RGP1: variants seen among roughly 807,000 people sequenced by gnomAD.
RGP1 encodes RGP1 partner of RAB6A GEF complex.
In RGP1, 28 loss-of-function variants were observed where a neutral mutation model predicts 44.5. The ratio of observed to expected loss-of-function variants is 0.63; its 90% confidence interval spans 0.47 to 0.86. The LOEUF (loss-of-function observed/expected upper bound fraction) is 0.86, where lower values mean the gene tolerates loss of function less well. RGP1 is among the 40% of genes least tolerant of loss of function. RGP1 has a pLI of 0.00. For missense variants in RGP1, 417 were observed against 490.7 expected (o/e 0.85, Z 1.42); for synonymous variants, 212 against 196.7 (o/e 1.08, Z -0.65).
intron 5 of RGP1, 32 bp from the exon 6 acceptor site, chr9:35,751,234 C>T (rs745625582): frequency 6.2e-7 from 1 of 1,611,690 alleles, no homozygotes; most frequent in South Asian, 1.1e-5. Flanking sequence ...CGTTCCCTCT[C>T]AGCATTACCT....
rs1468456809 is a variant in RGP1, at chr9:35,758,381, G to T, written c.*5507G>T. On this transcript the variant is annotated 3_prime_UTR_variant, in exon 9 of 9. Transcript: ENST00000378078. ...TTCACCATAGTATTTCTACAACACAGCAATTTATTAGTCTGACTTCTCTTC... is the reference window on the plus strand; with the variant it reads ...TTCACCATAGTATTTCTACAACACATCAATTTATTAGTCTGACTTCTCTTC... 6.6e-6 allele frequency: 1 copy of T among 152,136 alleles called. No homozygotes were observed. 9.4% of individuals were successfully genotyped at this position (152,136 alleles called of 1,614,324 possible).
chr9:35,784,723 C>T, the RGP1 span, among the ~76,000 whole-genome samples: 1 of 152,158 alleles, frequency 6.6e-6, no homozygotes, highest in Non-Finnish European at 1.5e-5. Context: ...CCGCCTCGGC[C>T]TCCCAAAGTG....
the RGP1 span, among the ~76,000 whole-genome samples, chr9:35,763,916 A>AAAACTCAT: frequency 6.6e-6 from 1 of 151,478 alleles, no homozygotes; most frequent in African/African-American, 2.4e-5. Flanking sequence ...GAGAAAAGAA[A>AAAACTCAT]AAACTCATCA....
chr9:35,778,232 A>G, the RGP1 span, among the ~76,000 whole-genome samples: 2 of 152,112 alleles, frequency 1.3e-5, no homozygotes, highest in East Asian at 1.9e-4. Flanking sequence ...AACCCGGGAG[A>G]CAGAGGTTGC....
chr9:35,764,955 G>T, the RGP1 span, among the ~76,000 whole-genome samples: 15 of 151,814 alleles, frequency 9.9e-5, no homozygotes, highest in Admixed American at 7.2e-4. Flanking sequence ...GTGAAATCCT[G>T]TCTTGACTAA....
In RGP1 at chr9:35,758,119, C is replaced by T. The variant is rs1827384612; in HGVS notation, c.*5245C>T. The T allele has an allele frequency of 6.6e-6, 1 of 152,104 alleles. No homozygotes were observed. The highest frequency in any genetic ancestry group is 2.4e-5 in the African/African-American group (1 of 41,406). The allele number at this position is 152,104 out of a possible 1,614,324, so 9.4% of individuals were successfully genotyped here. A position where few individuals can be genotyped will look rare whatever the true frequency, so the allele number is the denominator to read the frequency against. Reference sequence around the variant, plus strand: ...TCAGTAGTGCTGCACTTCCACTTTTCCTCTCCCTCATTTTACTGTCTTTAT... The same window carrying T: ...TCAGTAGTGCTGCACTTCCACTTTTTCTCTCCCTCATTTTACTGTCTTTAT... On this transcript the variant is annotated 3_prime_UTR_variant, in exon 9 of 9. Transcript: ENST00000378078.
chr9:35,763,907 AG>A, the RGP1 span, among the ~76,000 whole-genome samples: 1 of 149,442 alleles, frequency 6.7e-6, no homozygotes, highest in Admixed American at 6.7e-5. Context: ...AAAAGAAAAG[AG>A]AAAAGAAAAA....
At chr9:35,777,609 G>A in the RGP1 span, among the ~76,000 whole-genome samples, 1 of 152,054 alleles carries the variant, frequency 6.6e-6, no homozygotes, top group Non-Finnish European at 1.5e-5. Context: ...GTGAGCCAAC[G>A]CGCCCAGCCT....
the RGP1 span, among the ~76,000 whole-genome samples, chr9:35,784,856 G>A: frequency 1.4e-3 from 217 of 152,186 alleles, no homozygotes; most frequent in Non-Finnish European, 2.1e-3. Context: ...AGATCCTCCT[G>A]CCTTAGTCTT....
chr9:35,778,271 C>T, the RGP1 span, among the ~76,000 whole-genome samples: 1 of 152,178 alleles, frequency 6.6e-6, no homozygotes, highest in African/African-American at 2.4e-5. Flanking sequence ...CATTGTTCTA[C>T]AGCCTGGGCA....
At chr9:35,765,122 CAAAAA>C in the RGP1 span, among the ~76,000 whole-genome samples, 3 of 103,236 alleles carry the variant, frequency 2.9e-5, no homozygotes, top group Admixed American at 1.0e-4. Context: ...GACTCTGTCT[CAAAAA>C]AAAAAAAAAA....
chr9:35,753,630 C>G lies in RGP1; in HGVS notation c.*756C>G. The G allele has an allele frequency of 6.5e-7, 1 of 1,547,264 alleles. No homozygotes were observed. Among genetic ancestry groups the G allele is most frequent in the Admixed American group, 1.7e-5 (1 of 59,266 alleles). On this transcript the variant is annotated 3_prime_UTR_variant, in exon 9 of 9. Coordinates refer to ENST00000378078, the MANE Select transcript of RGP1 (RefSeq NM_001080496.3). This position sits in a 1 kb window ranked among gnomAD's most constrained non-coding sequence, Gnocchi z 4.2. ...ATCCCTCAGTCACTCATATCAGAGT[C>G]ATTCTCTCTGGCCATCTTTGGTCAC...
At chr9:35,762,918 G>T (rs1232302126), downstream of RGP1, among the ~76,000 whole-genome samples, 1 of 151,978 alleles carries the variant, frequency 6.6e-6, no homozygotes, top group Middle Eastern at 3.2e-3. Context: ...TTTATTGAAA[G>T]GGAAGCTGAG....
In RGP1 at chr9:35,757,742, C is replaced by G. The variant is rs1827379359; in HGVS notation, c.*4868C>G. On this transcript the variant is annotated 3_prime_UTR_variant, in exon 9 of 9. Coordinates refer to ENST00000378078, the MANE Select transcript of RGP1 (RefSeq NM_001080496.3). ...ATTTGGTCTCACAGGTAGAAGGGAG[C>G]CTGCTGGTCTCTGTGTAACGGATGG... The G allele has an allele frequency of 1.3e-5, 2 of 152,146 alleles. No homozygotes were observed. Among genetic ancestry groups the G allele is most frequent in the African/African-American group, 4.8e-5 (2 of 41,424 alleles). The allele number at this position is 152,146 out of a possible 1,614,324, so 9.4% of individuals were successfully genotyped here.
intron 6 of RGP1, 94 bp downstream of exon 6, chr9:35,751,506 A>C (rs962832793): frequency 6.3e-7 from 1 of 1,595,350 alleles, no homozygotes; most frequent in African/African-American, 1.3e-5. Flanking sequence ...ACTTCTGTGG[A>C]TCCACTGATA....
the RGP1 span, among the ~76,000 whole-genome samples, chr9:35,764,010 T>C: frequency 6.6e-6 from 1 of 151,738 alleles, no homozygotes; most frequent in Non-Finnish European, 1.5e-5. Context: ...CTTTTTTTAC[T>C]CAGGAGGCTG....
At position 35,756,365 on chromosome 9, in the gene RGP1, A is replaced by T. The variant is rs1827358620; in HGVS notation, c.*3491A>T. 6.6e-6 allele frequency: 1 copy of T among 152,304 alleles called. No individual in the cohort carries two copies. Among genetic ancestry groups the T allele is most frequent in the Non-Finnish European group, 1.5e-5 (1 of 68,096 alleles). The allele number at this position is 152,304 out of a possible 1,614,324, so 9.4% of individuals were successfully genotyped here. ...TGTTCAGAAATGACTGTGTCAGTGC[A>T]CCTCAAACTCCCTTGCTGTCCTTTT... On this transcript the variant is annotated 3_prime_UTR_variant, in exon 9 of 9. Coordinates refer to ENST00000378078, the MANE Select transcript of RGP1 (RefSeq NM_001080496.3).
chr9:35,766,558 C>T, the RGP1 span, among the ~76,000 whole-genome samples: 18 of 152,238 alleles, frequency 1.2e-4, no homozygotes, highest in African/African-American at 2.6e-4. Context: ...TTCCCTTACA[C>T]CAGGTCACAA....
chr9:35,781,982 CG>C, the RGP1 span, among the ~76,000 whole-genome samples: 196 of 121,858 alleles, frequency 1.6e-3, 3 homozygotes, highest in Non-Finnish European at 1.1e-3. Context: ...TTATTTCTCT[CG>C]TTTTTTTTTT....
Sources: gnomAD v4.1 joint callset for allele counts (sites outside exome capture counted in the v4.1 genomes callset) on GRCh38, gnomAD v4.1.1 for gene constraint, Gnocchi (gnomAD v3.1) non-coding constraint, MANE v1.5 for transcripts, NCBI Gene and HGNC (gene_info 2026-07-23, HGNC 2026-07-21) for gene names.